PCDHA11: variants seen among roughly 807,000 people sequenced by gnomAD.
The protein encoded by PCDHA11 is protocadherin alpha-11.
In PCDHA11, 61 loss-of-function variants were observed where a neutral mutation model predicts 70.3. That is an observed-to-expected ratio of 0.87 (90% CI 0.71 to 1.07). The LOEUF is 1.07. PCDHA11 is among the 50% of genes least tolerant of loss of function. PCDHA11 has a pLI of 0.00. For synonymous variants in PCDHA11, 633 were observed against 555.1 expected, an observed-to-expected ratio of 1.14 and a Z score of -1.97; for missense variants, 1,324 against 1,237.5, an observed-to-expected ratio of 1.07 and a Z score of -1.05.
At chr5:140,984,751 T>A (rs2097118127) in intron 3 of PCDHA11, among the ~76,000 whole-genome samples, 1 of 152,158 alleles carries the variant, frequency 6.6e-6, no homozygotes. Context: ...CAGATTTGAG[T>A]TGAATTCTAA....
intron 3 of PCDHA11, among the ~76,000 whole-genome samples, chr5:141,005,899 A>G (rs2098245270): frequency 6.6e-6 from 1 of 151,978 alleles, no homozygotes; most frequent in East Asian, 1.9e-4. Flanking sequence ...TCAAGCAATG[A>G]TTGCACCACT....
At chr5:140,975,784 A>G (rs1216156931) in intron 1 of PCDHA11, among the ~76,000 whole-genome samples, 1 of 151,914 alleles carries the variant, frequency 6.6e-6, no homozygotes, top group Non-Finnish European at 1.5e-5. Flanking sequence ...CCATTACAAG[A>G]TAAATTAAAT....
intron 3 of PCDHA11, among the ~76,000 whole-genome samples, chr5:141,000,391 C>CTA (rs2097912428): frequency 7.9e-4 from 45 of 56,656 alleles, no homozygotes; most frequent in East Asian, 1.2e-3. Flanking sequence ...CTCTCTCTCT[C>CTA]TCTCTATATA....
At chr5:140,966,680 A>AGCG in intron 1 of PCDHA11, 1 of 1,317,158 alleles carries the variant, frequency 7.6e-7, no homozygotes, top group Non-Finnish European at 9.8e-7. Flanking sequence ...GGGTGGCACG[A>AGCG]GCGGAGGCGG....
intron 1 of PCDHA11, chr5:140,882,890 C>T (rs2059348397): frequency 6.2e-7 from 1 of 1,614,060 alleles, no homozygotes; most frequent in East Asian, 2.2e-5. Flanking sequence ...AATTCAGGAA[C>T]ATAGTTTATT....
intron 1 of PCDHA11, chr5:140,876,054 A>C: frequency 6.2e-7 from 1 of 1,613,940 alleles, no homozygotes; most frequent in Non-Finnish European, 8.5e-7. Context: ...TGCCTGAATT[A>C]GTTCTTCGGA....
chr5:140,877,697 C>T (rs2057290837), intron 1 of PCDHA11: 15 of 1,613,794 alleles, frequency 9.3e-6, no homozygotes, highest in Non-Finnish European at 1.3e-5. Flanking sequence ...CTGGTGTGCT[C>T]CAGCGCCGTG....
At chr5:140,970,331 T>C (rs1442466340) in intron 1 of PCDHA11, among the ~76,000 whole-genome samples, 1 of 152,210 alleles carries the variant, frequency 6.6e-6, no homozygotes, top group African/African-American at 2.4e-5. Context: ...TTCCAAAGCA[T>C]GCATTCATTT....
intron 1 of PCDHA11, among the ~76,000 whole-genome samples, chr5:140,903,417 T>C (rs1583492047): frequency 6.6e-6 from 1 of 152,200 alleles, no homozygotes; most frequent in Non-Finnish European, 1.5e-5. Flanking sequence ...CAGGAAAAAT[T>C]CAGCACAATA....
chr5:140,871,668 T>G (rs2053250173), intron 1 of PCDHA11, 174 bp downstream of exon 1: 6 of 1,174,012 alleles, frequency 5.1e-6, no homozygotes, highest in Non-Finnish European at 7.0e-6. Context: ...CTTCAGTCTT[T>G]TAATCATATG....
At position 140,871,447 on chromosome 5, in the gene PCDHA11, G is replaced by A; in HGVS notation, c.2344G>A (p.Glu782Lys). Residue 782 changes from glutamate to lysine, a missense_variant, in exon 1 of 4, where the codon GAG (glutamate) becomes AAG (lysine). Transcript: ENST00000398640. ...SPSLPLGLNK[E>K]EEGERQEPGS... ...CAGTCTTCCTCTAGGTCTGAATAAA[G>A]AGGAGGAAGGGGAAAGACAGGAGCC... 6.2e-7 allele frequency: 1 copy of A among 1,609,656 alleles called. No individual in the cohort carries two copies. Among genetic ancestry groups the A allele is most frequent in the Non-Finnish European group, 8.5e-7 (1 of 1,177,614 alleles).
chr5:140,997,781 C>G (rs1207024588), intron 3 of PCDHA11, among the ~76,000 whole-genome samples: 1 of 151,626 alleles, frequency 6.6e-6, no homozygotes, highest in Non-Finnish European at 1.5e-5. Context: ...TGTTGTATAC[C>G]TATATTATAA....
intron 1 of PCDHA11, among the ~76,000 whole-genome samples, chr5:140,891,866 T>C (rs2063289213): frequency 6.6e-6 from 1 of 152,184 alleles, no homozygotes; most frequent in Non-Finnish European, 1.5e-5. Flanking sequence ...TCTCTTATGC[T>C]TTTGGCTCTG....
At chr5:140,881,277 A>G (rs1370714709) in intron 1 of PCDHA11, 5 of 731,680 alleles carry the variant, frequency 6.8e-6, no homozygotes, top group Non-Finnish European at 8.4e-6. Flanking sequence ...ATGAAGTAAG[A>G]TGGAGAGAGA....
intron 2 of PCDHA11, among the ~76,000 whole-genome samples, chr5:140,980,115 G>A (rs1263722649): frequency 6.6e-6 from 1 of 152,142 alleles, no homozygotes; most frequent in African/African-American, 2.4e-5. Flanking sequence ...ATTGGAACCT[G>A]GGTCATAATT....
At chr5:140,928,074 C>T (rs781992001) in intron 1 of PCDHA11, 1 of 1,614,216 alleles carries the variant, frequency 6.2e-7, no homozygotes, top group Admixed American at 1.7e-5. Flanking sequence ...TTGACAACTA[C>T]TACAGCCTGC....
chr5:140,885,207 T>C (rs1405388039), intron 1 of PCDHA11, among the ~76,000 whole-genome samples: 1 of 152,140 alleles, frequency 6.6e-6, no homozygotes, highest in Admixed American at 6.5e-5. Context: ...ATATATCCCA[T>C]GAAAAATATC....
intron 1 of PCDHA11, among the ~76,000 whole-genome samples, chr5:140,978,557 T>C (rs1262121525): frequency 6.6e-6 from 1 of 152,246 alleles, no homozygotes; most frequent in Non-Finnish European, 1.5e-5. Flanking sequence ...TGCCCTGTTA[T>C]AGCTGTAATA....
At chr5:140,940,717 G>T (rs1554213570) in intron 1 of PCDHA11, among the ~76,000 whole-genome samples, 1 of 152,130 alleles carries the variant, frequency 6.6e-6, no homozygotes, top group African/African-American at 2.4e-5. Flanking sequence ...GCTGTGTGCT[G>T]TTTCAGCTGG....
Sources: allele counts gnomAD v4.1 joint callset (sites outside exome capture counted in the v4.1 genomes callset), GRCh38; gene constraint gnomAD v4.1.1; transcripts MANE v1.5; gene names NCBI Gene and HGNC (gene_info 2026-07-23, HGNC 2026-07-21).